The following ONECUT2 variants were observed in gnomAD, a reference collection of about 807,000 sequenced individuals.
ONECUT2 encodes one cut homeobox 2.
In ONECUT2, 10 loss-of-function variants were observed where a neutral mutation model predicts 27.9. The observed-to-expected ratio is 0.36, with a 90% CI of 0.22 to 0.61. ONECUT2 has a LOEUF of 0.61. Among genes scored for constraint, ONECUT2 ranks in the 20% least tolerant of loss-of-function variants. The pLI is 0.73. For synonymous variants in ONECUT2, 334 were observed against 315.1 expected, an observed-to-expected ratio of 1.06 and a Z score of -0.64; for missense variants, 686 against 721.0, an observed-to-expected ratio of 0.95 and a Z score of 0.56.
In ONECUT2 at chr18:57,436,682, G is replaced by A. The variant is rs183029490; in HGVS notation, c.966G>A (p.Ser322=). The A allele has an allele frequency of 1.8e-4, 294 of 1,613,212 alleles. 1 individual carries two copies. The East Asian group carries it at 6.5e-3, about 36-fold the overall frequency. The change falls in exon 1 of 2, where the codon TCG becomes TCA. Residue 322 remains serine (S), a synonymous_variant. Transcript: ENST00000491143. This position sits in a 1 kb window ranked among gnomAD's most constrained non-coding sequence, Gnocchi z 5.9. ...RERPPSSSSG[S]QVATSGQLEE... is the part of the protein sequence containing the mutation. Reference sequence around the variant, plus strand: ...GGCCACCCTCGTCCTCATCGGGCTCGCAGGTGGCCACGTCGGGCCAGCTGG... The same window carrying A: ...GGCCACCCTCGTCCTCATCGGGCTCACAGGTGGCCACGTCGGGCCAGCTGG...
Position 57,482,939 on chromosome 18 carries a change from T to C in ONECUT2, c.*6216T>C, listed in dbSNP as rs571172020. On this transcript the variant is annotated 3_prime_UTR_variant, in exon 2 of 2. Coordinates refer to ENST00000491143, the MANE Select transcript of ONECUT2 (RefSeq NM_004852.3). The stretch of plus-strand genomic sequence containing the variant: ...AAAGTATCCCAGCATCTTCATCCTG[T>C]ACACTTGGAATTAATTTCATTTGGG... 4.6e-5 allele frequency: 7 copies of C among 152,714 alleles called. 1 individual carries two copies. In the South Asian group the frequency reaches 1.4e-3, roughly 32 times the overall value. 9.5% of individuals were successfully genotyped at this position (152,714 alleles called of 1,614,324 possible).
At position 57,459,760 on chromosome 18, in the gene ONECUT2, T is replaced by C. The variant is rs186386795; in HGVS notation, c.1229-16677T>C. On this transcript the variant is annotated intron_variant, in intron 1 of 1. Coordinates refer to ENST00000491143, the MANE Select transcript of ONECUT2 (RefSeq NM_004852.3). ...TTTTAGTAGAGATGGAGTTTCTCCA[T>C]GTTGGTCAGGCTGGTCTCGAACTTC... Among the ~76,000 whole-genome samples the C allele has an allele frequency of 2.2e-3, 328 of 152,248 alleles. 1 individual carries two copies. Among genetic ancestry groups the C allele is most frequent in the Non-Finnish European group, 4.1e-3 (278 of 68,024 alleles).
At chr18:57,475,549 G>A (rs2122152464) in intron 1 of ONECUT2, among the ~76,000 whole-genome samples, 1 of 152,296 alleles carries the variant, frequency 6.6e-6, no homozygotes, top group Non-Finnish European at 1.5e-5. Flanking sequence ...AAAAGAATCA[G>A]TCAGGAATAC....
chr18:57,454,012 A>T (rs953735239), intron 1 of ONECUT2, among the ~76,000 whole-genome samples: 1 of 152,164 alleles, frequency 6.6e-6, no homozygotes, highest in Non-Finnish European at 1.5e-5. Context: ...GTAATTGAAG[A>T]ATTAGCATTC....
intron 1 of ONECUT2, among the ~76,000 whole-genome samples, chr18:57,439,985 T>C (rs1228723015): frequency 2.0e-5 from 3 of 152,168 alleles, no homozygotes; most frequent in Non-Finnish European, 4.4e-5. Context: ...CAGAGGCAGG[T>C]CCTTCCTGCC....
chr18:57,440,561 G>T (rs1264348047), intron 1 of ONECUT2, among the ~76,000 whole-genome samples: 2 of 152,240 alleles, frequency 1.3e-5, no homozygotes, highest in African/African-American at 4.8e-5. Flanking sequence ...CGGCCAGTCT[G>T]AAGCCAATTC....
intron 1 of ONECUT2, among the ~76,000 whole-genome samples, chr18:57,437,791 G>T (rs2050151440): frequency 6.6e-6 from 1 of 152,260 alleles, no homozygotes; most frequent in African/African-American, 2.4e-5. Flanking sequence ...GATTTGCCAG[G>T]ATTTGCCGGG....
At chr18:57,446,641 C>A (rs2144304590) in intron 1 of ONECUT2, among the ~76,000 whole-genome samples, 1 of 152,308 alleles carries the variant, frequency 6.6e-6, no homozygotes, top group East Asian at 1.9e-4. Flanking sequence ...CCCCACCCTG[C>A]AGATCACTAC....
At chr18:57,439,223 G>A (rs1225291515) in intron 1 of ONECUT2, among the ~76,000 whole-genome samples, 2 of 152,198 alleles carry the variant, frequency 1.3e-5, no homozygotes, top group Non-Finnish European at 2.9e-5. Flanking sequence ...GTGGCATCCC[G>A]GGGGTCCTCA....
chr18:57,455,542 A>AGT (rs1229670043), intron 1 of ONECUT2, among the ~76,000 whole-genome samples: 15 of 152,004 alleles, frequency 9.9e-5, no homozygotes, highest in Non-Finnish European at 2.1e-4. Context: ...GTGATTCATT[A>AGT]CTCTCTCCTT....
rs1412437600 is a variant in ONECUT2, at chr18:57,482,975, A to G, written c.*6252A>G. 1 of 152,634 alleles carries G rather than the reference A, an allele frequency of 6.6e-6. No homozygotes were observed. Among genetic ancestry groups the G allele is most frequent in the Non-Finnish European group, 1.5e-5 (1 of 68,036 alleles). 9.5% of individuals were successfully genotyped at this position (152,634 alleles called of 1,614,324 possible). Reference sequence around the variant, plus strand: ...TTAATTTCATTTGGGCATATCCAAGATAAACTCAACTTTCAAGAAATCTTG... The same window carrying G: ...TTAATTTCATTTGGGCATATCCAAGGTAAACTCAACTTTCAAGAAATCTTG... On this transcript the variant is annotated 3_prime_UTR_variant, in exon 2 of 2. Transcript: ENST00000491143.
rs921515549 is a variant in ONECUT2, at chr18:57,489,273, T to C, written c.*12550T>C. 15 of 152,366 alleles carry C rather than the reference T, an allele frequency of 9.8e-5. No homozygotes were observed. Among genetic ancestry groups the C allele is most frequent in the African/African-American group, 3.4e-4 (14 of 41,586 alleles). The allele number at this position is 152,366 out of a possible 1,614,324, so 9.4% of individuals were successfully genotyped here. A position where few individuals can be genotyped will look rare whatever the true frequency, so the allele number is the denominator to read the frequency against. On this transcript the variant is annotated 3_prime_UTR_variant, in exon 2 of 2. Coordinates refer to ENST00000491143, the MANE Select transcript of ONECUT2 (RefSeq NM_004852.3). The stretch of plus-strand genomic sequence containing the variant: ...ATTATTTAGAAAACAAAGAAAGGTA[T>C]GGAATGGGGTTTCCTATTGTTTGCT...
At chr18:57,469,327 A>G (rs71355618) in intron 1 of ONECUT2, among the ~76,000 whole-genome samples, 7,487 of 152,284 alleles carry the variant, frequency 0.049, 677 homozygotes, top group East Asian at 0.36. Flanking sequence ...TGACAAATGC[A>G]CACCCTGGAT....
chr18:57,473,816 G>T (rs762914289), intron 1 of ONECUT2, among the ~76,000 whole-genome samples: 3 of 152,200 alleles, frequency 2.0e-5, no homozygotes, highest in Non-Finnish European at 2.9e-5. Context: ...CTCAAAACAA[G>T]GTTCCCCTGC....
intron 1 of ONECUT2, among the ~76,000 whole-genome samples, chr18:57,471,885 AG>A (rs1019567015): frequency 7.2e-5 from 11 of 152,080 alleles, no homozygotes; most frequent in Admixed American, 1.3e-4. Flanking sequence ...TGTGAGAGGG[AG>A]GGAGCTCAAG....
At chr18:57,460,756 C>A (rs554618332) in intron 1 of ONECUT2, among the ~76,000 whole-genome samples, 1 of 136,212 alleles carries the variant, frequency 7.3e-6, no homozygotes, top group South Asian at 2.4e-4. Context: ...GTGGCACAAT[C>A]ACAGCTCACT....
intron 1 of ONECUT2, among the ~76,000 whole-genome samples, chr18:57,469,108 C>T (rs989907857): frequency 3.3e-5 from 5 of 152,184 alleles, no homozygotes; most frequent in Admixed American, 2.6e-4. Flanking sequence ...CAACATAACC[C>T]CAATTGACTG....
At position 57,487,274 on chromosome 18, in the gene ONECUT2, C is replaced by G. The variant is rs1022428130; in HGVS notation, c.*10551C>G. The G allele has an allele frequency of 2.0e-5, 3 of 152,270 alleles. No homozygotes were observed. Among genetic ancestry groups the G allele is most frequent in the African/African-American group, 7.2e-5 (3 of 41,430 alleles). 9.4% of individuals were successfully genotyped at this position (152,270 alleles called of 1,614,324 possible). A position where few individuals can be genotyped will look rare whatever the true frequency, so the allele number is the denominator to read the frequency against. ...CAATTTGCATTCCACAAATTGGGATCCTCATAACCCAAATATATCACCGTA... is the reference window on the plus strand; with the variant it reads ...CAATTTGCATTCCACAAATTGGGATGCTCATAACCCAAATATATCACCGTA... On this transcript the variant is annotated 3_prime_UTR_variant, in exon 2 of 2. Coordinates refer to ENST00000491143, the MANE Select transcript of ONECUT2 (RefSeq NM_004852.3).
intron 1 of ONECUT2, among the ~76,000 whole-genome samples, chr18:57,448,305 G>A (rs1178839681): frequency 1.3e-5 from 2 of 152,166 alleles, no homozygotes; most frequent in African/African-American, 4.8e-5. Context: ...AAAGTCAAGG[G>A]TATGATAAAT....
Sources: allele counts gnomAD v4.1 joint callset (sites outside exome capture counted in the v4.1 genomes callset), GRCh38; gene constraint gnomAD v4.1.1; non-coding constraint Gnocchi (gnomAD v3.1); transcripts MANE v1.5; gene names NCBI Gene and HGNC (gene_info 2026-07-23, HGNC 2026-07-21).